Variants in S100A7 observed in about 807,000 individuals in gnomAD.
The protein encoded by S100A7 is S100 calcium binding protein A7.
S100A7 carries 2 observed loss-of-function variants against 3.8 expected under a neutral mutation model. That is an observed-to-expected ratio of 0.53 (90% CI 0.22 to 1.67). The LOEUF is 1.67. Ranked by LOEUF, S100A7 falls within the 40% of genes most tolerant of loss-of-function variation. S100A7 has a pLI of 0.20. For missense variants in S100A7, 130 were observed against 126.3 expected (o/e 1.03, Z -0.14); for synonymous variants, 55 against 45.9 (o/e 1.20, Z -0.80).
At chr1:153,460,082 G>A (rs1663791156) in intron 1 of S100A7, among the ~76,000 whole-genome samples, 1 of 152,252 alleles carries the variant, frequency 6.6e-6, no homozygotes, top group Admixed American at 6.5e-5. Context: ...TGTGCCCAGA[G>A]GGTGACTGAC....
chr1:153,458,665 C>A (rs1345979860), intron 2 of S100A7, among the ~76,000 whole-genome samples: 2 of 152,166 alleles, frequency 1.3e-5, no homozygotes, highest in East Asian at 3.8e-4. Context: ...GCACACTTTG[C>A]TGACCATCTA....
At chr1:153,458,844 C>T in intron 2 of S100A7, 29 bp downstream of exon 2, 5 of 1,611,630 alleles carry the variant, frequency 3.1e-6, no homozygotes, top group Non-Finnish European at 4.2e-6. Flanking sequence ...ATGTATCCTC[C>T]AACATTGAGA....
chr1:153,459,606 A>C (rs1201093693), intron 1 of S100A7, among the ~76,000 whole-genome samples: 1 of 152,146 alleles, frequency 6.6e-6, no homozygotes, highest in East Asian at 1.9e-4. Flanking sequence ...CAGGAAACAC[A>C]GTCCTGTCCC....
chr1:153,457,978 G>A lies in S100A7; in HGVS notation c.142-8C>T, dbSNP rs757318319. The A allele has an allele frequency of 2.5e-6, 4 of 1,612,416 alleles. No individual in the cohort carries two copies. The Admixed American group carries it at 5.0e-5, about 20-fold the overall frequency. ...ATTTGTGCCCTTTTTGTCCTGTGAA[G>A]AGAAAAACATACAAAATAGAAAAAT... On this transcript the variant is annotated splice_region_variant and splice_polypyrimidine_tract_variant and intron_variant, in intron 2 of 2. Coordinates refer to ENST00000368723, the MANE Select transcript of S100A7 (RefSeq NM_002963.4).
At chr1:153,459,732 G>A (rs1230133218) in intron 1 of S100A7, 1 of 152,276 alleles carries the variant, frequency 6.6e-6, no homozygotes, top group Non-Finnish European at 1.5e-5. Context: ...TGGGAGTGAG[G>A]TGGGAGTCAC....
Position 153,457,860 on chromosome 1 carries a change from T to C in S100A7, c.252A>G (p.Thr84=). The change falls in exon 3 of 3, where the codon ACA becomes ACG. Residue 84 remains threonine, a synonymous_variant. Coordinates refer to ENST00000368723, the MANE Select transcript of S100A7 (RefSeq NM_002963.4). ...EFLSLLGDIA[T]DYHKQSHGAA... is the part of the protein sequence containing the mutation. ...CTCCATGGCTCTGCTTGTGGTAGTCTGTGGCTATGTCTCCCAGCAAGGACA... is the reference window on the plus strand; with the variant it reads ...CTCCATGGCTCTGCTTGTGGTAGTCCGTGGCTATGTCTCCCAGCAAGGACA... 1.2e-6 allele frequency: 2 copies of C among 1,614,196 alleles called. No individual in the cohort carries two copies. The highest frequency in any genetic ancestry group is 1.3e-5 in the African/African-American group (1 of 75,042).
chr1:153,459,079 T>G (rs1315446885), intron 1 of S100A7, 49 bp from the exon 2 acceptor site: 5 of 1,592,562 alleles, frequency 3.1e-6, no homozygotes. Context: ...TAAGTTAGGG[T>G]CTCTATTTGG....
At chr1:153,458,726 C>T in intron 2 of S100A7, 147 bp downstream of exon 2, 1 of 933,732 alleles carries the variant, frequency 1.1e-6, no homozygotes, top group Non-Finnish European at 1.6e-6. Context: ...TACTTTTTTG[C>T]CTACCATCCT....
At chr1:153,458,064 C>T (rs1663731542) in intron 2 of S100A7, 94 bp from the exon 3 acceptor site, 2 of 1,388,056 alleles carry the variant, frequency 1.4e-6, no homozygotes, top group Non-Finnish European at 2.0e-6. Context: ...CAGACAAGTA[C>T]CTAGATCTGC....
chr1:153,459,551 T>C (rs561556026), intron 1 of S100A7, among the ~76,000 whole-genome samples: 4 of 152,266 alleles, frequency 2.6e-5, no homozygotes, highest in African/African-American at 9.6e-5. Flanking sequence ...TGACACGGTG[T>C]GTGCAGGCTC....
Position 153,457,936 on chromosome 1 carries a change from A to C in S100A7, c.176T>G (p.Phe59Cys). 6.2e-7 allele frequency: 1 copy of C among 1,614,160 alleles called. No individual in the cohort carries two copies. Among genetic ancestry groups the C allele is most frequent in the Non-Finnish European group, 8.5e-7 (1 of 1,180,020 alleles). The change falls in exon 3 of 3, where the codon TTT (phenylalanine) becomes TGT (cysteine). Residue 59 changes from phenylalanine (F) to cysteine (C), a missense_variant. Transcript: ENST00000368723. Reference protein sequence around the residue: ...KKGTNYLADVFEKKDKNEDKK... With the variant: ...KKGTNYLADVCEKKDKNEDKK... ...ATCCTCATTCTTGTCCTTTTTCTCA[A>C]AGACATCGGCGAGGTAATTTGTGCC... is the stretch of plus-strand genomic sequence containing the variant.
In S100A7 at chr1:153,457,758, A is replaced by T. The variant is rs768027591; in HGVS notation, c.*48T>A. ...TAAGGCAAGTGTCTGGTGGGAGAAG[A>T]CATTTTATTGTTCCTGGGGTCTCTG... On this transcript the variant is annotated 3_prime_UTR_variant, in exon 3 of 3. Transcript: ENST00000368723. 4 of 1,578,136 alleles carry T rather than the reference A, an allele frequency of 2.5e-6. No individual in the cohort carries two copies. Among genetic ancestry groups the T allele is most frequent in the Admixed American group, 1.9e-5 (1 of 53,474 alleles).
intron 1 of S100A7, among the ~76,000 whole-genome samples, chr1:153,459,505 C>T (rs1663770961): frequency 6.6e-6 from 1 of 152,174 alleles, no homozygotes; most frequent in South Asian, 2.1e-4. Context: ...AACCAGACAC[C>T]GTGGGCCCCA....
At chr1:153,458,485 CAA>C (rs1398381511) in intron 2 of S100A7, among the ~76,000 whole-genome samples, 2 of 152,052 alleles carry the variant, frequency 1.3e-5, no homozygotes, top group Non-Finnish European at 2.9e-5. Context: ...TTGTTTATTG[CAA>C]AGAGGGCTAT....
intron 1 of S100A7, 92 bp from the exon 2 acceptor site, chr1:153,459,122 A>AGGGC: frequency 4.1e-6 from 6 of 1,451,838 alleles, no homozygotes; most frequent in Non-Finnish European, 5.6e-6. Context: ...GACAGAGTAA[A>AGGGC]AACACGGATA....
intron 1 of S100A7, 57 bp downstream of exon 1, chr1:153,460,551 A>G (rs1390766837): frequency 4.1e-6 from 3 of 729,576 alleles, no homozygotes; most frequent in South Asian, 1.5e-5. Flanking sequence ...TACAGGCAGC[A>G]TGGCAGGCCA....
chr1:153,457,940 C>G lies in S100A7; in HGVS notation c.172G>C (p.Val58Leu). 1 of 1,614,150 alleles carries G rather than the reference C, an allele frequency of 6.2e-7. No homozygotes were observed. The highest frequency in any genetic ancestry group is 8.5e-7 in the Non-Finnish European group (1 of 1,180,042). ...TCATTCTTGTCCTTTTTCTCAAAGACATCGGCGAGGTAATTTGTGCCCTTT... is the reference window on the plus strand; with the variant it reads ...TCATTCTTGTCCTTTTTCTCAAAGAGATCGGCGAGGTAATTTGTGCCCTTT... ...DKKGTNYLAD[V>L]FEKKDKNEDK... The change falls in exon 3 of 3, where the codon GTC becomes CTC. Residue 58 changes from valine to leucine, a missense_variant. Coordinates refer to ENST00000368723, the MANE Select transcript of S100A7 (RefSeq NM_002963.4).
chr1:153,460,125 G>A (rs1429046013), intron 1 of S100A7, among the ~76,000 whole-genome samples: 4 of 152,364 alleles, frequency 2.6e-5, no homozygotes, highest in Admixed American at 6.5e-5. Flanking sequence ...GTGACGGAGC[G>A]TTGGTTTCTC....
In S100A7 at chr1:153,459,482, C is replaced by T. The variant is rs570832864; in HGVS notation, c.-17-452G>A. ...TGGTGATCTGGTGTCTGACCCTCCT[C>T]GGCTGCTTCAGGAACCAGACACCGT... On this transcript the variant is annotated intron_variant, in intron 1 of 2. Coordinates refer to ENST00000368723, the MANE Select transcript of S100A7 (RefSeq NM_002963.4). Among the ~76,000 whole-genome samples, 19 of 152,308 alleles carry T rather than the reference C, an allele frequency of 1.2e-4. No homozygotes were observed. In the South Asian group the frequency reaches 2.9e-3, roughly 23 times the overall value.
Sources: gnomAD v4.1 joint callset for allele counts (sites outside exome capture counted in the v4.1 genomes callset) on GRCh38, gnomAD v4.1.1 for gene constraint, MANE v1.5 for transcripts, NCBI Gene and HGNC (gene_info 2026-07-23, HGNC 2026-07-21) for gene names.